MAP3K5: variants seen among roughly 807,000 people sequenced by gnomAD.
MAP3K5 encodes ASK-1.
In MAP3K5, 56 loss-of-function variants were observed where a neutral mutation model predicts 158.7. The ratio of observed to expected loss-of-function variants is 0.35; its 90% CI spans 0.28 to 0.44. The LOEUF (loss-of-function observed/expected upper bound fraction) is 0.44, where lower values mean the gene tolerates loss of function less well. Among genes scored for constraint, MAP3K5 ranks in the 20% least tolerant of loss-of-function variants. MAP3K5 has a pLI of 1.00. For synonymous variants in MAP3K5, 579 were observed against 601.7 expected (o/e 0.96, Z 0.55); for missense variants, 1,294 against 1,674.8 (o/e 0.77, Z 3.97).
intron 7 of MAP3K5, among the ~76,000 whole-genome samples, chr6:136,671,863 T>A (rs746070055): frequency 2.0e-5 from 3 of 151,772 alleles, no homozygotes; most frequent in Non-Finnish European, 4.4e-5. Context: ...AGACCTCAGG[T>A]GATCCGCCCA....
intron 1 of MAP3K5, among the ~76,000 whole-genome samples, chr6:136,758,938 C>G (rs546172536): frequency 1.3e-5 from 2 of 152,238 alleles, no homozygotes; most frequent in East Asian, 3.9e-4. Context: ...TTTGGGAGGC[C>G]GAGGCAGGCA....
At chr6:136,569,984 G>T (rs1774291899) in intron 25 of MAP3K5, among the ~76,000 whole-genome samples, 1 of 152,130 alleles carries the variant, frequency 6.6e-6, no homozygotes, top group South Asian at 2.1e-4. Context: ...AAAATCTGAT[G>T]AAAGTCATAA....
intron 1 of MAP3K5, among the ~76,000 whole-genome samples, chr6:136,778,456 T>A (rs565649186): frequency 1.3e-5 from 2 of 152,210 alleles, no homozygotes; most frequent in Non-Finnish European, 1.5e-5. Context: ...TAATCTTGCA[T>A]GTTGTAGGCT....
chr6:136,567,926 T>G (rs1774191861), intron 25 of MAP3K5, 52 bp from the exon 26 acceptor site: 1 of 1,571,724 alleles, frequency 6.4e-7, no homozygotes, highest in African/African-American at 1.4e-5. Context: ...CTCATTGCCT[T>G]AATTTCTTAA....
At chr6:136,619,596 T>C (rs533164536) in intron 15 of MAP3K5, among the ~76,000 whole-genome samples, 1 of 152,246 alleles carries the variant, frequency 6.6e-6, no homozygotes, top group East Asian at 1.9e-4. Flanking sequence ...TGACACATCA[T>C]TATCACTACA....
At chr6:136,661,755 C>T (rs1779015576) in intron 8 of MAP3K5, among the ~76,000 whole-genome samples, 2 of 152,096 alleles carry the variant, frequency 1.3e-5, no homozygotes, top group African/African-American at 2.4e-5. Context: ...GGGCCAGGCT[C>T]ATCTCGAACT....
chr6:136,641,283 C>T lies in MAP3K5; in HGVS notation c.1838+1237G>A, dbSNP rs116760641. Among the ~76,000 whole-genome samples the T allele has an allele frequency of 4.8e-3, 738 of 152,178 alleles. 4 individuals are homozygous for T. Among genetic ancestry groups the T allele is most frequent in the African/African-American group, 0.016 (671 of 41,504 alleles). On this transcript the variant is annotated intron_variant, in intron 12 of 29. Coordinates refer to ENST00000359015, the MANE Select transcript of MAP3K5 (RefSeq NM_005923.4). Reference sequence around the variant, plus strand: ...AACTCCAATTATTAGTGACTCAGACCGCTCTACCAATTTATGCTCTAATAA... The same window carrying T: ...AACTCCAATTATTAGTGACTCAGACTGCTCTACCAATTTATGCTCTAATAA...
chr6:136,665,707 G>A (rs1394925820), intron 8 of MAP3K5, among the ~76,000 whole-genome samples: 2 of 152,166 alleles, frequency 1.3e-5, no homozygotes, highest in Admixed American at 6.5e-5. Flanking sequence ...GGAAGGAAAA[G>A]TACTTACTTC....
At chr6:136,769,236 G>T (rs1435864202) in intron 1 of MAP3K5, among the ~76,000 whole-genome samples, 1 of 152,168 alleles carries the variant, frequency 6.6e-6, no homozygotes, top group Non-Finnish European at 1.5e-5. Flanking sequence ...TATGCTAAGT[G>T]AAAGAAGCCA....
chr6:136,781,405 C>A (rs1784607340), intron 1 of MAP3K5, among the ~76,000 whole-genome samples: 1 of 152,208 alleles, frequency 6.6e-6, no homozygotes, highest in South Asian at 2.1e-4. Context: ...TATGACTCTT[C>A]CTCATAATAA....
intron 25 of MAP3K5, among the ~76,000 whole-genome samples, chr6:136,570,575 A>G (rs1485092296): frequency 6.6e-6 from 1 of 152,218 alleles, no homozygotes; most frequent in Non-Finnish European, 1.5e-5. Context: ...AACAAAAACC[A>G]GAGTGTCCTT....
At chr6:136,697,131 T>C (rs1780633781) in intron 5 of MAP3K5, 88 bp downstream of exon 5, 1 of 1,192,664 alleles carries the variant, frequency 8.4e-7, no homozygotes, top group Admixed American at 2.3e-5. Flanking sequence ...CATGAACTGC[T>C]TACCAGCAAA....
At chr6:136,572,326 T>C (rs188837794) in intron 25 of MAP3K5, among the ~76,000 whole-genome samples, 2 of 152,230 alleles carry the variant, frequency 1.3e-5, no homozygotes, top group Non-Finnish European at 2.9e-5. Context: ...TGGCACGATC[T>C]TGGCTCACTG....
intron 12 of MAP3K5, among the ~76,000 whole-genome samples, chr6:136,641,585 T>G (rs1276749680): frequency 2.0e-5 from 3 of 151,862 alleles, no homozygotes; most frequent in African/African-American, 2.4e-5. Context: ...CAGTCAGAAC[T>G]GAACCAAACT....
chr6:136,591,934 G>C (rs1775405172), intron 23 of MAP3K5, among the ~76,000 whole-genome samples: 1 of 152,198 alleles, frequency 6.6e-6, no homozygotes. Flanking sequence ...TGAAAAATTT[G>C]CTTCTGACTT....
At chr6:136,789,203 G>A (rs931177413) in intron 1 of MAP3K5, among the ~76,000 whole-genome samples, 4 of 152,256 alleles carry the variant, frequency 2.6e-5, no homozygotes, top group South Asian at 2.1e-4. Context: ...CCAGCTACTC[G>A]GGAGGCTGAG....
Position 136,592,248 on chromosome 6 carries a change from C to A in MAP3K5, c.3150G>T (p.Arg1050Ser). ...GFFMLRKDSE[R>S]RATLHRILTE... ...TCAGGATCCTGTGAAGGGTAGCTCG[C>A]CTCTCACTGTCCTTCCTCAGCATGA... Residue 1050 changes from arginine to serine, a missense_variant, in exon 23 of 30, where the codon AGG becomes AGT. By Grantham distance (110) the Arg-to-Ser change is moderately radical. Transcript: ENST00000359015. 6.2e-7 allele frequency: 1 copy of A among 1,612,586 alleles called. No homozygotes were observed. The highest frequency in any genetic ancestry group is 8.5e-7 in the Non-Finnish European group (1 of 1,179,390).
At chr6:136,600,597 A>G (rs1401134727) in intron 21 of MAP3K5, among the ~76,000 whole-genome samples, 1 of 152,226 alleles carries the variant, frequency 6.6e-6, no homozygotes, top group Non-Finnish European at 1.5e-5. Flanking sequence ...AGCCAACGTT[A>G]GAAAACAAAG....
At chr6:136,619,212 T>C (rs1481745588) in intron 15 of MAP3K5, among the ~76,000 whole-genome samples, 1 of 151,866 alleles carries the variant, frequency 6.6e-6, no homozygotes, top group African/African-American at 2.4e-5. Flanking sequence ...AAAGCTTAAG[T>C]GATGAAAATG....
Sources: allele counts gnomAD v4.1 joint callset (sites outside exome capture counted in the v4.1 genomes callset), GRCh38; gene constraint gnomAD v4.1.1; transcripts MANE v1.5; gene names NCBI Gene and HGNC (gene_info 2026-07-23, HGNC 2026-07-21).